HSD17B4: variants seen among roughly 807,000 people sequenced by gnomAD.
HSD17B4 encodes hydroxysteroid 17-beta dehydrogenase 4, also known as peroxisomal multifunctional enzyme type 2.
HSD17B4 carries 70 observed loss-of-function variants against 101.0 expected under a neutral mutation model. That is an observed-to-expected ratio of 0.69 (90% CI 0.57 to 0.85). The LOEUF (loss-of-function observed/expected upper bound fraction) is 0.85. HSD17B4 is among the 40% of genes least tolerant of loss of function. The pLI, the probability that HSD17B4 is intolerant of heterozygous loss-of-function variation, is 0.00. For synonymous variants in HSD17B4, 347 were observed against 297.1 expected (o/e 1.17, Z -1.73); for missense variants, 984 against 892.4 (o/e 1.10, Z -1.31).
rs575683029 is a variant in HSD17B4, at chr5:119,507,652, C to T, written c.1333+763C>T. Among the ~76,000 whole-genome samples, 166 of 151,600 alleles carry T rather than the reference C, an allele frequency of 1.1e-3. 1 individual carries two copies. The highest frequency in any genetic ancestry group is 1.9e-3 in the Non-Finnish European group (129 of 67,830). ...CAAAAAAAAAAGCCGGGCATGGTGG[C>T]GGGCGCCTGTAGTCCCGGCTACTTG... is the stretch of plus-strand genomic sequence containing the variant. On this transcript the variant is annotated intron_variant, in intron 15 of 23. Coordinates refer to ENST00000510025, the MANE Select transcript of HSD17B4 (RefSeq NM_000414.4).
intron 17 of HSD17B4, among the ~76,000 whole-genome samples, chr5:119,519,769 A>T (rs140967945): frequency 2.0e-5 from 3 of 152,264 alleles, no homozygotes; most frequent in Admixed American, 6.5e-5. Context: ...ACAAGCATTC[A>T]TCTTATCTAG....
At chr5:119,502,235 T>G in intron 14 of HSD17B4, 143 bp downstream of exon 14, 1 of 644,022 alleles carries the variant, frequency 1.6e-6, no homozygotes, top group Non-Finnish European at 2.8e-6. Flanking sequence ...GCCATTAGAG[T>G]AGACTGATGT....
intron 17 of HSD17B4, 64 bp from the exon 18 acceptor site, chr5:119,525,152 A>G (rs1244521078): frequency 9.1e-7 from 1 of 1,100,528 alleles, no homozygotes; most frequent in Non-Finnish European, 1.4e-6. Flanking sequence ...CATGTTTCCT[A>G]TTTTTCATTT....
At chr5:119,518,724 T>C (rs1752862915) in intron 17 of HSD17B4, among the ~76,000 whole-genome samples, 1 of 152,208 alleles carries the variant, frequency 6.6e-6, no homozygotes, top group African/African-American at 2.4e-5. Flanking sequence ...GGTATTTATA[T>C]TAACTAAGTA....
chr5:119,512,364 A>G (rs1264573389), intron 16 of HSD17B4, among the ~76,000 whole-genome samples: 3 of 152,314 alleles, frequency 2.0e-5, no homozygotes, highest in African/African-American at 4.8e-5. Context: ...AATAGATTAT[A>G]TATCTAAAGA....
rs1000944832 is a variant in HSD17B4, at chr5:119,506,809, T to C, written c.1262-9T>C. 7 of 1,524,168 alleles carry C rather than the reference T, an allele frequency of 4.6e-6. No individual in the cohort carries two copies. Among genetic ancestry groups the C allele is most frequent in the Non-Finnish European group, 6.4e-6 (7 of 1,099,766 alleles). The allele number at this position is 1,524,168 out of a possible 1,614,324, so 94.4% of individuals were successfully genotyped here. A position where few individuals can be genotyped will look rare whatever the true frequency, so the allele number is the denominator to read the frequency against. On this transcript the variant is annotated splice_polypyrimidine_tract_variant and intron_variant, in intron 14 of 23. Transcript: ENST00000510025. ...TAAGACACTGTATTTCTTTTACTTT[T>C]CTTTCTAGGAAAATTAAAATGTGAA...
chr5:119,483,834 A>G (rs1296654623), intron 8 of HSD17B4, among the ~76,000 whole-genome samples: 1 of 152,186 alleles, frequency 6.6e-6, no homozygotes, highest in Non-Finnish European at 1.5e-5. Flanking sequence ...TCTAACAGAT[A>G]TGGACATTGT....
intron 7 of HSD17B4, among the ~76,000 whole-genome samples, chr5:119,478,329 G>A (rs188296163): frequency 3.5e-4 from 54 of 152,264 alleles, no homozygotes; most frequent in Non-Finnish European, 6.5e-4. Flanking sequence ...TGTGATGCCT[G>A]TTTTTGTTGG....
intron 14 of HSD17B4, among the ~76,000 whole-genome samples, chr5:119,503,829 A>G (rs559116628): frequency 6.6e-6 from 1 of 151,748 alleles, no homozygotes. Context: ...ACCTGTGCAG[A>G]TTTATTACGT....
At chr5:119,504,079 A>C (rs1189680903) in intron 14 of HSD17B4, among the ~76,000 whole-genome samples, 1 of 152,156 alleles carries the variant, frequency 6.6e-6, no homozygotes, top group South Asian at 2.1e-4. Context: ...ATGACGTCCA[A>C]CTGTATCCAT....
intron 20 of HSD17B4, among the ~76,000 whole-genome samples, chr5:119,529,141 G>C (rs1231955277): frequency 6.6e-6 from 1 of 152,098 alleles, no homozygotes; most frequent in African/African-American, 2.4e-5. Context: ...TCAAGAGAAT[G>C]ATCTTCTTGA....
intron 2 of HSD17B4, among the ~76,000 whole-genome samples, chr5:119,457,009 A>C (rs138257496): frequency 1.3e-5 from 2 of 152,282 alleles, no homozygotes; most frequent in East Asian, 3.9e-4. Flanking sequence ...AAAAAATTTA[A>C]TTGAGGGGGC....
chr5:119,502,774 C>T (rs2126792505), intron 14 of HSD17B4, among the ~76,000 whole-genome samples: 1 of 152,160 alleles, frequency 6.6e-6, no homozygotes, highest in East Asian at 1.9e-4. Context: ...GAATATTTTT[C>T]TTAAACCTTT....
intron 6 of HSD17B4, chr5:119,476,698 T>C: frequency 2.0e-6 from 2 of 985,516 alleles, no homozygotes; most frequent in Non-Finnish European, 2.4e-6. Flanking sequence ...ATGTTGGTGC[T>C]TTTCTTGGTG....
chr5:119,540,662 A>C (rs1754914590), intron 23 of HSD17B4, among the ~76,000 whole-genome samples: 1 of 152,170 alleles, frequency 6.6e-6, no homozygotes, highest in South Asian at 2.1e-4. Flanking sequence ...AATGCATTTG[A>C]TTGTGACTGA....
intron 2 of HSD17B4, among the ~76,000 whole-genome samples, chr5:119,466,431 C>G (rs1755817291): frequency 6.6e-6 from 1 of 152,152 alleles, no homozygotes; most frequent in East Asian, 1.9e-4. Context: ...GTGAAGCTGT[C>G]TGTTACTGCT....
chr5:119,511,219 G>T (rs562167387), intron 16 of HSD17B4, among the ~76,000 whole-genome samples: 77 of 152,328 alleles, frequency 5.1e-4, no homozygotes, highest in African/African-American at 1.7e-3. Flanking sequence ...CAAGGAAACA[G>T]AGTCTTTTTG....
chr5:119,521,872 G>T (rs1440200032), intron 17 of HSD17B4, among the ~76,000 whole-genome samples: 3 of 148,494 alleles, frequency 2.0e-5, no homozygotes, highest in Admixed American at 2.0e-4. Flanking sequence ...TTGGAGGGGG[G>T]GTGGATTTTA....
intron 2 of HSD17B4, among the ~76,000 whole-genome samples, chr5:119,462,756 A>G (rs1755393591): frequency 6.6e-6 from 1 of 152,206 alleles, no homozygotes; most frequent in Non-Finnish European, 1.5e-5. Context: ...TTTATGGGGT[A>G]CAGTGTGATA....
Sources: allele counts gnomAD v4.1 joint callset (sites outside exome capture counted in the v4.1 genomes callset), GRCh38; gene constraint gnomAD v4.1.1; transcripts MANE v1.5; gene names NCBI Gene and HGNC (gene_info 2026-07-23, HGNC 2026-07-21).